The following SEC31B variants were observed in gnomAD, a reference collection of about 807,000 sequenced individuals.
SEC31B encodes SEC31 homolog B, COPII component.
SEC31B carries 113 observed loss-of-function variants against 135.0 expected under a neutral mutation model. The ratio of observed to expected loss-of-function variants is 0.84; its 90% confidence interval spans 0.72 to 0.98. The LOEUF (loss-of-function observed/expected upper bound fraction) is 0.98, where lower values mean the gene tolerates loss of function less well. Ranked by LOEUF, SEC31B falls within the 50% of genes least tolerant of loss-of-function variation. The pLI is 0.00. For synonymous variants in SEC31B, 508 were observed against 549.4 expected (o/e 0.92, Z 1.05); for missense variants, 1,296 against 1,421.1 (o/e 0.91, Z 1.42).
intron 1 of SEC31B, 51 bp downstream of exon 1, chr10:100,519,731 C>T (rs1427004571): frequency 2.0e-5 from 3 of 152,250 alleles, no homozygotes; most frequent in Non-Finnish European, 4.4e-5. Flanking sequence ...GCTCCGGGTC[C>T]CCAGCGCAAT....
At chr10:100,500,290 C>T (rs1387103191) in intron 11 of SEC31B, 4 of 421,482 alleles carry the variant, frequency 9.5e-6, no homozygotes, top group Non-Finnish European at 1.9e-5. Context: ...GTGTAGCCTA[C>T]AGTAGTCTTG....
chr10:100,488,968 G>A lies in SEC31B; in HGVS notation c.3178C>T (p.His1060Tyr). ...CTTTCCATCTTCTCAGGTGGCAGGT[G>A]CTGAAGCTGCTGATAAAGAAGCAGG... Reference protein sequence around the residue: ...VPGELSLQLQHLPPEKMERKE... With the variant: ...VPGELSLQLQYLPPEKMERKE... Residue 1060 changes from histidine (H) to tyrosine (Y), a missense_variant, in exon 24 of 26, where the codon CAC becomes TAC. His to Tyr is a moderately conservative substitution (Grantham distance 83). Transcript: ENST00000370345. The A allele has an allele frequency of 4.4e-6, 7 of 1,600,168 alleles. No homozygotes were observed. The highest frequency in any genetic ancestry group is 6.0e-6 in the Non-Finnish European group (7 of 1,174,904).
intron 11 of SEC31B, chr10:100,500,148 G>A: frequency 4.4e-6 from 2 of 456,630 alleles, no homozygotes; most frequent in South Asian, 3.1e-5. Context: ...CACCTGAGCT[G>A]TCTCTGGCGG....
chr10:100,495,844 C>G (rs910661807), intron 18 of SEC31B, among the ~76,000 whole-genome samples: 1 of 152,190 alleles, frequency 6.6e-6, no homozygotes, highest in Admixed American at 6.5e-5. Flanking sequence ...CACCCCCGCT[C>G]TATACTCTAG....
chr10:100,512,000 C>G (rs139982187), intron 3 of SEC31B, among the ~76,000 whole-genome samples: 61 of 152,314 alleles, frequency 4.0e-4, no homozygotes, highest in African/African-American at 1.4e-3. Flanking sequence ...TCAGGTCTAT[C>G]CAACAACTAA....
chr10:100,515,923 G>A (rs556538649), intron 3 of SEC31B, among the ~76,000 whole-genome samples, 173 bp downstream of exon 3: 1 of 151,948 alleles, frequency 6.6e-6, no homozygotes, highest in East Asian at 1.9e-4. Context: ...AAGGGGGGGG[G>A]TGGTTGTTTT....
Position 100,502,460 on chromosome 10 carries a change from C to T in SEC31B, c.1204G>A (p.Gly402Ser), listed in dbSNP as rs1324489663. 6.2e-7 allele frequency: 1 copy of T among 1,613,226 alleles called. No homozygotes were observed. Among genetic ancestry groups the T allele is most frequent in the South Asian group, 1.1e-5 (1 of 91,032 alleles). The change falls in exon 11 of 26, where the codon GGC becomes AGC. Residue 402 changes from glycine to serine, a missense_variant. Gly to Ser is a moderately conservative substitution (Grantham distance 56). Transcript: ENST00000370345. ...FAFGGKLVTF[G>S]LPSTPAHLVP... ...AGATGGGCAGGGGTGCTGGGGAGGC[C>T]AAAAGTAACCAGCTTCCCTCCAAAC...
rs764565782 is a variant in SEC31B at position 100,495,477 on chromosome 10, G to T, written c.2380C>A (p.Pro794Thr). The change falls in exon 19 of 26, where the codon CCC (proline) becomes ACC (threonine). Residue 794 changes from proline to threonine, a missense_variant. Transcript: ENST00000370345. ...QGSAVLGQQS[P>T]PFPFPRIVVG... ...ACAATCCGGGGGAAGGGGAAAGGGG[G>T]AGACTGTTGGCCCAAGACAGCAGAA... is the stretch of plus-strand genomic sequence containing the variant. 4 of 1,613,504 alleles carry T rather than the reference G, an allele frequency of 2.5e-6. No individual in the cohort carries two copies. The Admixed American group carries it at 5.0e-5, about 20-fold the overall frequency.
At chr10:100,493,372 C>CAAAAAAAA (rs561941798) in intron 19 of SEC31B, among the ~76,000 whole-genome samples, 26 of 130,296 alleles carry the variant, frequency 2.0e-4, no homozygotes, top group African/African-American at 7.1e-4. Flanking sequence ...GACTCCATCT[C>CAAAAAAAA]AAAAAAAAAA....
intron 19 of SEC31B, among the ~76,000 whole-genome samples, chr10:100,492,467 C>T (rs1851318725): frequency 6.6e-6 from 1 of 152,180 alleles, no homozygotes; most frequent in South Asian, 2.1e-4. Flanking sequence ...GGTGATCCAC[C>T]CACCTCAGTT....
intron 11 of SEC31B, 139 bp downstream of exon 11, chr10:100,502,115 T>C: frequency 1.2e-5 from 8 of 682,034 alleles, no homozygotes; most frequent in Non-Finnish European, 1.8e-5. Flanking sequence ...GTGGGTATAG[T>C]GTGGGGGAAA....
intron 3 of SEC31B, among the ~76,000 whole-genome samples, chr10:100,515,070 C>T (rs1320422971): frequency 3.3e-5 from 5 of 151,676 alleles, no homozygotes; most frequent in African/African-American, 1.2e-4. Context: ...GGGGGCTGAT[C>T]GCTTGAGCTC....
chr10:100,495,457 C>G lies in SEC31B; in HGVS notation c.2400G>C (p.Arg800=). 1.2e-6 allele frequency: 2 copies of G among 1,613,946 alleles called. No homozygotes were observed. Among genetic ancestry groups the G allele is most frequent in the South Asian group, 2.2e-5 (2 of 91,022 alleles). ...AGTGGAGGGTAGCTCCCACAACAAT[C>G]CGGGGGAAGGGGAAAGGGGGAGACT... The part of the protein sequence containing the change: ...GQQSPPFPFP[R]IVVGATLHSK... Residue 800 remains arginine (R), a synonymous_variant, in exon 19 of 26, where the codon CGG becomes CGC. Transcript: ENST00000370345.
At chr10:100,499,496 C>T (rs369372696) in intron 12 of SEC31B, 28 bp downstream of exon 12, 24 of 1,548,342 alleles carry the variant, frequency 1.6e-5, no homozygotes, top group Non-Finnish European at 2.1e-5. Flanking sequence ...TCAACAAGTA[C>T]ATGTTTCTGA....
chr10:100,488,352 G>A (rs911139170), intron 24 of SEC31B, among the ~76,000 whole-genome samples: 5 of 151,916 alleles, frequency 3.3e-5, no homozygotes, highest in African/African-American at 7.2e-5. Context: ...CCAGCTACTC[G>A]GGAGGCTGAG....
chr10:100,495,282 T>A, intron 19 of SEC31B, 103 bp downstream of exon 19: 1 of 1,010,762 alleles, frequency 9.9e-7, no homozygotes, highest in South Asian at 1.4e-5. Flanking sequence ...CTATGGAAGT[T>A]GGGAATTTTC....
chr10:100,500,939 G>A (rs1249948252), intron 11 of SEC31B, among the ~76,000 whole-genome samples: 1 of 152,008 alleles, frequency 6.6e-6, no homozygotes, highest in African/African-American at 2.4e-5. Context: ...AGGCGCGGTG[G>A]CTCACGCCTA....
chr10:100,511,882 T>C (rs1479339853), intron 3 of SEC31B, among the ~76,000 whole-genome samples: 1 of 152,194 alleles, frequency 6.6e-6, no homozygotes, highest in Non-Finnish European at 1.5e-5. Context: ...GCTACTTTTC[T>C]GAATGCCTAC....
Position 100,504,937 on chromosome 10 carries a change from C to T in SEC31B, c.1179+424G>A, listed in dbSNP as rs7070888. On this transcript the variant is annotated intron_variant, in intron 10 of 25. Transcript: ENST00000370345. Reference sequence around the variant, plus strand: ...GACAGAAATGGAAAGGTAAGTGGAGCCCTGTGCAAATTTAGCCTTGTCTAT... The same window carrying T: ...GACAGAAATGGAAAGGTAAGTGGAGTCCTGTGCAAATTTAGCCTTGTCTAT... 7.8e-3 allele frequency among the ~76,000 whole-genome samples: 1,188 copies of T among 152,140 alleles called. 12 individuals are homozygous for T. The highest frequency in any genetic ancestry group is 0.027 in the African/African-American group (1,108 of 41,510).
Sources: allele counts gnomAD v4.1 joint callset (sites outside exome capture counted in the v4.1 genomes callset), GRCh38; gene constraint gnomAD v4.1.1; transcripts MANE v1.5; gene names NCBI Gene and HGNC (gene_info 2026-07-23, HGNC 2026-07-21).